TBC1D4: variants seen among roughly 807,000 people sequenced by gnomAD.
TBC1D4 encodes the protein TBC1 domain family member 4.
In TBC1D4, 121 loss-of-function variants were observed where a neutral mutation model predicts 142.5. That is an observed-to-expected ratio of 0.85 (90% CI 0.73 to 0.99). TBC1D4 has a LOEUF of 0.99. TBC1D4 is among the 50% of genes least tolerant of loss of function. The pLI is 0.00. For synonymous variants in TBC1D4, 630 were observed against 628.2 expected (o/e 1.00, Z -0.04); for missense variants, 1,475 against 1,606.6 (o/e 0.92, Z 1.40).
intron 1 of TBC1D4, among the ~76,000 whole-genome samples, chr13:75,385,934 A>G (rs1441549528): frequency 6.6e-6 from 1 of 152,184 alleles, no homozygotes; most frequent in African/African-American, 2.4e-5. Flanking sequence ...GACATCAAAC[A>G]CTGCATTTCT....
chr13:75,476,071 C>T (rs1329699394), intron 1 of TBC1D4, among the ~76,000 whole-genome samples: 1 of 151,910 alleles, frequency 6.6e-6, no homozygotes, highest in Non-Finnish European at 1.5e-5. Context: ...GGTGAAACCC[C>T]GTCTCTACTA....
intron 15 of TBC1D4, among the ~76,000 whole-genome samples, chr13:75,303,215 G>C (rs1428951717): frequency 6.6e-6 from 1 of 152,074 alleles, no homozygotes; most frequent in African/African-American, 2.4e-5. Flanking sequence ...TACTCGCGAG[G>C]CTGAGGTAGG....
At chr13:75,469,828 T>C (rs1340007076) in intron 1 of TBC1D4, among the ~76,000 whole-genome samples, 1 of 152,164 alleles carries the variant, frequency 6.6e-6, no homozygotes, top group Non-Finnish European at 1.5e-5. Context: ...CTTGCCTCAA[T>C]GATTGAAATT....
At chr13:75,448,330 G>C (rs896293984) in intron 1 of TBC1D4, among the ~76,000 whole-genome samples, 3 of 152,032 alleles carry the variant, frequency 2.0e-5, no homozygotes, top group African/African-American at 7.2e-5. Context: ...TTTATGGAGA[G>C]GCCAAGGTGG....
intron 2 of TBC1D4, 80 bp downstream of exon 2, chr13:75,361,946 A>C: frequency 6.8e-7 from 1 of 1,480,852 alleles, no homozygotes; most frequent in African/African-American, 1.4e-5. Context: ...ATAGAGGTGG[A>C]GCTGGGAGGA....
chr13:75,305,690 T>C (rs1877111801), intron 15 of TBC1D4, among the ~76,000 whole-genome samples: 2 of 152,354 alleles, frequency 1.3e-5, no homozygotes, highest in African/African-American at 4.8e-5. Flanking sequence ...ATGCAGGCTA[T>C]GGAGATTCTA....
intron 1 of TBC1D4, chr13:75,375,854 C>T (rs1449257544): frequency 2.0e-5 from 3 of 148,734 alleles, no homozygotes; most frequent in South Asian, 2.1e-4. Context: ...TACTTACACC[C>T]CAGTGGCCAG....
intron 1 of TBC1D4, among the ~76,000 whole-genome samples, chr13:75,372,087 TTTTCTATATGGAACA>T (rs1437394004): frequency 6.6e-6 from 1 of 152,130 alleles, no homozygotes; most frequent in Non-Finnish European, 1.5e-5. Flanking sequence ...TAATGTTCCA[TTTTCTATATGGAACA>T]TTTCTATATG....
chr13:75,298,374 G>A (rs1471330674), intron 17 of TBC1D4, among the ~76,000 whole-genome samples: 1 of 152,212 alleles, frequency 6.6e-6, no homozygotes, highest in Non-Finnish European at 1.5e-5. Flanking sequence ...TGCAAACAGG[G>A]AGTCTGAGGT....
intron 1 of TBC1D4, among the ~76,000 whole-genome samples, chr13:75,402,551 T>C (rs1354775785): frequency 6.6e-6 from 1 of 152,142 alleles, no homozygotes; most frequent in African/African-American, 2.4e-5. Flanking sequence ...ACATTCTCCA[T>C]TTAAAAGATC....
intron 1 of TBC1D4, among the ~76,000 whole-genome samples, chr13:75,420,763 G>A (rs906216188): frequency 6.6e-6 from 1 of 152,178 alleles, no homozygotes; most frequent in Non-Finnish European, 1.5e-5. Context: ...AGTGGGGTAC[G>A]CAGATGCAAT....
At chr13:75,298,338 G>A (rs1178058874) in intron 17 of TBC1D4, among the ~76,000 whole-genome samples, 2 of 152,208 alleles carry the variant, frequency 1.3e-5, no homozygotes, top group Non-Finnish European at 2.9e-5. Flanking sequence ...AACCCACTTA[G>A]AGAAGTGAAA....
chr13:75,302,962 T>C (rs548480947), intron 15 of TBC1D4: 1 of 163,232 alleles, frequency 6.1e-6, no homozygotes, highest in African/African-American at 2.4e-5. Context: ...ACTCTAAATA[T>C]TTGTCATCAA....
intron 14 of TBC1D4, among the ~76,000 whole-genome samples, chr13:75,307,730 A>C (rs916678798): frequency 2.6e-5 from 4 of 152,224 alleles, no homozygotes; most frequent in Non-Finnish European, 1.5e-5. Context: ...GGCAGTAAAA[A>C]TTCCTACTTA....
chr13:75,391,259 G>A (rs1418627991), intron 1 of TBC1D4, among the ~76,000 whole-genome samples: 1 of 150,016 alleles, frequency 6.7e-6, no homozygotes, highest in Non-Finnish European at 1.5e-5. Flanking sequence ...GAATTCTTTT[G>A]ACCCCACTTC....
At chr13:75,304,727 G>A (rs1876983757) in intron 15 of TBC1D4, among the ~76,000 whole-genome samples, 1 of 152,122 alleles carries the variant, frequency 6.6e-6, no homozygotes, top group Admixed American at 6.5e-5. Context: ...AGAGGAAAGG[G>A]CGGAAGAAAG....
At chr13:75,364,102 G>T (rs1408929) in intron 1 of TBC1D4, among the ~76,000 whole-genome samples, 70,812 of 151,934 alleles carry the variant, frequency 0.47, 17,571 homozygotes, top group South Asian at 0.72. Flanking sequence ...TGTGCATGGT[G>T]GGGGCGGTGC....
intron 1 of TBC1D4, among the ~76,000 whole-genome samples, chr13:75,408,487 T>C (rs575780876): frequency 1.3e-5 from 2 of 152,358 alleles, no homozygotes; most frequent in African/African-American, 4.8e-5. Flanking sequence ...ATGTATCATA[T>C]AATGGTGAAG....
At chr13:75,320,079 A>G in intron 11 of TBC1D4, 42 bp from the exon 12 acceptor site, 4 of 1,608,024 alleles carry the variant, frequency 2.5e-6, no homozygotes, top group Non-Finnish European at 3.4e-6. Flanking sequence ...AGCACACACA[A>G]ATATGTCCAA....
Sources: gnomAD v4.1 joint callset for allele counts (sites outside exome capture counted in the v4.1 genomes callset) on GRCh38, gnomAD v4.1.1 for gene constraint, MANE v1.5 for transcripts, NCBI Gene and HGNC (gene_info 2026-07-23, HGNC 2026-07-21) for gene names.